Variants in CPNE6 observed in about 807,000 individuals in gnomAD.
CPNE6 encodes copine 6, also known as copine-6.
A neutral mutation model predicts 71.5 loss-of-function variants in CPNE6; 33 were observed. That is an observed-to-expected ratio of 0.46 (90% CI 0.35 to 0.62). The LOEUF (loss-of-function observed/expected upper bound fraction) is 0.62. Among genes scored for constraint, CPNE6 ranks in the 20% least tolerant of loss-of-function variants. The pLI, the probability that CPNE6 is intolerant of heterozygous loss-of-function variation, is 0.00. For missense variants in CPNE6, 576 were observed against 747.3 expected, an observed-to-expected ratio of 0.77 and a Z score of 2.67; for synonymous variants, 296 against 293.0, an observed-to-expected ratio of 1.01 and a Z score of -0.10.
In CPNE6 at chr14:24,075,414, T is replaced by TG; in HGVS notation, c.778-86dup. The TG allele has an allele frequency of 7.1e-7, 1 of 1,416,244 alleles. No homozygotes were observed. Among genetic ancestry groups the TG allele is most frequent in the Non-Finnish European group, 9.9e-7 (1 of 1,008,656 alleles). The allele number at this position is 1,416,244 out of a possible 1,614,324, so 87.7% of individuals were successfully genotyped here. A position where few individuals can be genotyped will look rare whatever the true frequency, so the allele number is the denominator to read the frequency against. On this transcript the variant is annotated intron_variant, in intron 9 of 17. Coordinates refer to ENST00000397016, the Ensembl canonical transcript of CPNE6. This position sits in a 1 kb window ranked among gnomAD's most constrained non-coding sequence, Gnocchi z 4.3. ...TGGGCTCAGCTGAAGGACGGAACCATGGGGGTCTTGCTCTGGGAGGCTCTG... is the reference window on the plus strand; with the variant it reads ...TGGGCTCAGCTGAAGGACGGAACCATGGGGGGTCTTGCTCTGGGAGGCTCTG...
chr14:24,077,478 C>T lies in CPNE6; in HGVS notation c.1536+88C>T. 3 of 1,572,634 alleles carry T rather than the reference C, an allele frequency of 1.9e-6. No individual in the cohort carries two copies. In the Admixed American group the frequency reaches 5.0e-5, roughly 26 times the overall value. On this transcript the variant is annotated intron_variant, in intron 16 of 17. Transcript: ENST00000397016. The surrounding 1 kb of genome is among the most constrained non-coding windows in gnomAD (Gnocchi z 6.1). The stretch of plus-strand genomic sequence containing the variant: ...CCTTCGTCTTCCACCATTTGATGTC[C>T]TGCTAAGGACGCGGGAGCCCAGCTG...
chr14:24,071,217 G>A (rs180907261), intron 1 of CPNE6: 2 of 1,005,106 alleles, frequency 2.0e-6, no homozygotes, highest in East Asian at 2.6e-5. Flanking sequence ...GCCTGTGTGT[G>A]TCAAGATATG....
exon 2 of CPNE6, chr14:24,071,565 G>T: frequency 6.9e-7 from 1 of 1,441,530 alleles, no homozygotes; most frequent in Non-Finnish European, 9.2e-7. Context: ...TGGAGCCGGC[G>T]CCAGCGGCTG....
chr14:24,073,156 G>A lies in CPNE6; in HGVS notation c.168+52G>A. On this transcript the variant is annotated intron_variant, in intron 3 of 17. Coordinates refer to ENST00000397016, the Ensembl canonical transcript of CPNE6. The surrounding 1 kb of genome is among the most constrained non-coding windows in gnomAD (Gnocchi z 5.5). The stretch of plus-strand genomic sequence containing the variant: ...ACTAACCTGGGTTAAGCTTGGGAAA[G>A]AGGGAGGCTGGGTGGGAGCAGTGAA... 7.1e-7 allele frequency: 1 copy of A among 1,409,146 alleles called. No individual in the cohort carries two copies. The allele number at this position is 1,409,146 out of a possible 1,614,324, so 87.3% of individuals were successfully genotyped here. A position where few individuals can be genotyped will look rare whatever the true frequency, so the allele number is the denominator to read the frequency against.
chr14:24,071,559 G>C lies in CPNE6; in HGVS notation c.-87G>C. On this transcript the variant is annotated 5_prime_UTR_variant, in exon 2 of 18. Transcript: ENST00000397016. Reference sequence around the variant, plus strand: ...AAATAGCAGCAGAGCCGGAGCTGGAGCCGGCGCCAGCGGCTGGAGCAGCAA... The same window carrying C: ...AAATAGCAGCAGAGCCGGAGCTGGACCCGGCGCCAGCGGCTGGAGCAGCAA... 6.6e-7 allele frequency: 1 copy of C among 1,509,318 alleles called. No individual in the cohort carries two copies. The highest frequency in any genetic ancestry group is 1.2e-5 in the South Asian group (1 of 83,390). The allele number at this position is 1,509,318 out of a possible 1,614,324, so 93.5% of individuals were successfully genotyped here.
intron 2 of CPNE6, chr14:24,072,583 C>G (rs2035934095): frequency 5.0e-6 from 1 of 198,186 alleles, no homozygotes; most frequent in Admixed American, 6.0e-5. Context: ...GGCACAACAC[C>G]AGTCGGGAAA....
chr14:24,071,501 G>GGGCGC, intron 1 of CPNE6, 61 bp from the exon 1 acceptor site: 4 of 1,416,684 alleles, frequency 2.8e-6, no homozygotes, highest in Non-Finnish European at 3.7e-6. Context: ...CTGGTGCTGC[G>GGGCGC]CCCCCCCCCA....
Position 24,075,417 on chromosome 14 carries a change from G to A in CPNE6, c.778-88G>A, listed in dbSNP as rs2036028856. 1.4e-6 allele frequency: 2 copies of A among 1,426,832 alleles called. No individual in the cohort carries two copies. The highest frequency in any genetic ancestry group is 9.8e-7 in the Non-Finnish European group (1 of 1,018,402). The allele number at this position is 1,426,832 out of a possible 1,614,324, so 88.4% of individuals were successfully genotyped here. Reference sequence around the variant, plus strand: ...GCTCAGCTGAAGGACGGAACCATGGGGGTCTTGCTCTGGGAGGCTCTGCTG... The same window carrying A: ...GCTCAGCTGAAGGACGGAACCATGGAGGTCTTGCTCTGGGAGGCTCTGCTG... On this transcript the variant is annotated intron_variant, in intron 9 of 17. Transcript: ENST00000397016. This position sits in a 1 kb window ranked among gnomAD's most constrained non-coding sequence, Gnocchi z 4.3.
chr14:24,073,149 T>A lies in CPNE6; in HGVS notation c.168+45T>A, dbSNP rs747051536. ...CTCCTTAACTAACCTGGGTTAAGCTTGGGAAAGAGGGAGGCTGGGTGGGAG... is the reference window on the plus strand; with the variant it reads ...CTCCTTAACTAACCTGGGTTAAGCTAGGGAAAGAGGGAGGCTGGGTGGGAG... On this transcript the variant is annotated intron_variant, in intron 3 of 17. Transcript: ENST00000397016. This position sits in a 1 kb window ranked among gnomAD's most constrained non-coding sequence, Gnocchi z 5.5. The A allele has an allele frequency of 1.2e-5, 17 of 1,414,164 alleles. No homozygotes were observed. The highest frequency in any genetic ancestry group is 3.0e-5 in the African/African-American group (2 of 67,712). The allele number at this position is 1,414,164 out of a possible 1,614,324, so 87.6% of individuals were successfully genotyped here. A position where few individuals can be genotyped will look rare whatever the true frequency, so the allele number is the denominator to read the frequency against.
chr14:24,071,564 C>T (rs1050046049), exon 2 of CPNE6: 159 of 1,468,786 alleles, frequency 1.1e-4, no homozygotes, highest in East Asian at 2.1e-4. Flanking sequence ...CTGGAGCCGG[C>T]GCCAGCGGCT....
exon 3 of CPNE6, chr14:24,072,999 G>C (rs769489011): frequency 1.0e-5 from 16 of 1,586,750 alleles, no homozygotes; most frequent in Non-Finnish European, 1.4e-5. Flanking sequence ...GGGCCTCTCG[G>C]GTGGAGCTGC....
chr14:24,073,503 A>G lies in CPNE6; in HGVS notation c.173A>G (p.Glu58Gly), dbSNP rs545234430. The G allele has an allele frequency of 1.2e-6, 2 of 1,612,978 alleles. No homozygotes were observed. Among genetic ancestry groups the G allele is most frequent in the African/African-American group, 1.3e-5 (1 of 75,022 alleles). Residue 58 changes from glutamate (E) to glycine (G), a missense_variant, in exon 4 of 18, where the codon GAG becomes GGG. Physicochemically the swap from Glu to Gly is moderately conservative, Grantham distance 98. Around this residue, in one of 4 missense-constraint regions of CPNE6, gnomAD observed 89 missense variants for 80.4 expected, o/e 1.11. Coordinates refer to ENST00000397016, the Ensembl canonical transcript of CPNE6. This position sits in a 1 kb window ranked among gnomAD's most constrained non-coding sequence, Gnocchi z 5.5. ...TCCCTTCAACCACTACCACAGGTAGAGCGCACAGAGGTGCTTCGCTCCTGT... is the reference window on the plus strand; with the variant it reads ...TCCCTTCAACCACTACCACAGGTAGGGCGCACAGAGGTGCTTCGCTCCTGT...
intron 1 of CPNE6, 121 bp from the exon 1 acceptor site, chr14:24,071,441 G>A (rs529563361): frequency 1.0e-5 from 15 of 1,491,646 alleles, no homozygotes; most frequent in Middle Eastern, 2.4e-4. Flanking sequence ...CCCAGGCTGT[G>A]GCCCTGCCCC....
intron 13 of CPNE6, 24 bp downstream of exon 12, chr14:24,076,438 A>AGGAGAT (rs763531353): frequency 1.9e-6 from 3 of 1,614,216 alleles, no homozygotes; most frequent in Non-Finnish European, 2.5e-6. Flanking sequence ...GAGGGAAAGA[A>AGGAGAT]GGAGATGGGG....
Position 24,073,706 on chromosome 14 carries a change from C to T in CPNE6, c.348+28C>T, listed in dbSNP as rs777764382. 1.3e-6 allele frequency: 2 copies of T among 1,593,496 alleles called. No individual in the cohort carries two copies. Among genetic ancestry groups the T allele is most frequent in the South Asian group, 1.1e-5 (1 of 88,646 alleles). On this transcript the variant is annotated intron_variant, in intron 4 of 17. Transcript: ENST00000397016. The surrounding 1 kb of genome is among the most constrained non-coding windows in gnomAD (Gnocchi z 5.5). ...CTGCATTCCCGGCCTCCCCGGCTAC[C>T]CTACCCTACCTCCATCAGCTTTGCC...
rs75347172 is a variant in CPNE6 at position 24,075,570 on chromosome 14, G to A, written c.843G>A (p.Thr281=). The change falls in exon 10 of 18, where the codon ACG becomes ACA. Residue 281 remains threonine (T), a synonymous_variant. Coordinates refer to ENST00000397016, the Ensembl canonical transcript of CPNE6. This position sits in a 1 kb window ranked among gnomAD's most constrained non-coding sequence, Gnocchi z 4.3. ...AGAAGAATTACAAGAGCTCAGGGAC[G>A]GTAGTGCTGGCCCAGTGCACGGTAA... The A allele has an allele frequency of 2.3e-3, 3,672 of 1,611,766 alleles. 74 individuals are homozygous for A. The African/African-American group carries it at 0.043, about 19-fold the overall frequency.
In CPNE6 at chr14:24,075,412, C is replaced by A; in HGVS notation, c.778-93C>A. The A allele has an allele frequency of 7.0e-7, 1 of 1,421,126 alleles. No individual in the cohort carries two copies. Among genetic ancestry groups the A allele is most frequent in the Non-Finnish European group, 9.9e-7 (1 of 1,012,790 alleles). 88.0% of individuals were successfully genotyped at this position (1,421,126 alleles called of 1,614,324 possible). A position where few individuals can be genotyped will look rare whatever the true frequency, so the allele number is the denominator to read the frequency against. ...CCTGGGCTCAGCTGAAGGACGGAAC[C>A]ATGGGGGTCTTGCTCTGGGAGGCTC... On this transcript the variant is annotated intron_variant, in intron 9 of 17. Transcript: ENST00000397016. The surrounding 1 kb of genome is among the most constrained non-coding windows in gnomAD (Gnocchi z 4.3).
In CPNE6 at chr14:24,073,441, A is replaced by G; in HGVS notation, c.169-58A>G. The G allele has an allele frequency of 6.4e-7, 1 of 1,567,696 alleles. No individual in the cohort carries two copies. The highest frequency in any genetic ancestry group is 1.7e-5 in the Admixed American group (1 of 57,422). ...TGGCATGACTAGGGCAGTCCAGGACAGGGAAAAGTATCCTCGGTTCCCAGA... is the reference window on the plus strand; with the variant it reads ...TGGCATGACTAGGGCAGTCCAGGACGGGGAAAAGTATCCTCGGTTCCCAGA... On this transcript the variant is annotated intron_variant, in intron 3 of 17. Coordinates refer to ENST00000397016, the Ensembl canonical transcript of CPNE6. This position sits in a 1 kb window ranked among gnomAD's most constrained non-coding sequence, Gnocchi z 5.5.
chr14:24,071,568 A>AGC, exon 2 of CPNE6: 20 of 1,247,614 alleles, frequency 1.6e-5, no homozygotes, highest in Non-Finnish European at 2.1e-5. Context: ...AGCCGGCGCC[A>AGC]GCGGCTGGAG....
Sources: gnomAD v4.1 joint callset for allele counts on GRCh38, gnomAD v4.1.1 for gene constraint, gnomAD v4.1.1 regional missense constraint, Gnocchi (gnomAD v3.1) non-coding constraint, MANE v1.5 for transcripts, NCBI Gene and HGNC (gene_info 2026-07-23, HGNC 2026-07-21) for gene names.